Variants in CCDC50 observed in about 807,000 individuals in gnomAD.
The protein encoded by CCDC50 is coiled-coil domain containing 50, also known as coiled-coil domain-containing protein 50.
In CCDC50, 54 loss-of-function variants were observed where a neutral mutation model predicts 70.2. The ratio of observed to expected loss-of-function variants is 0.77; its 90% CI spans 0.62 to 0.96. The LOEUF is 0.96. CCDC50 is among the 50% of genes least tolerant of loss of function. The pLI, the probability that CCDC50 is intolerant of heterozygous loss-of-function variation, is 0.00. For synonymous variants in CCDC50, 216 were observed against 198.8 expected, an observed-to-expected ratio of 1.09 and a Z score of -0.73; for missense variants, 558 against 578.7, an observed-to-expected ratio of 0.96 and a Z score of 0.37.
At chr3:191,358,666 C>G (rs1013779896) in intron 3 of CCDC50, among the ~76,000 whole-genome samples, 1 of 152,198 alleles carries the variant, frequency 6.6e-6, no homozygotes, top group African/African-American at 2.4e-5. Context: ...CCTCCTTTAA[C>G]ACACAGATAA....
intron 5 of CCDC50, among the ~76,000 whole-genome samples, chr3:191,374,641 CTCTG>C (rs1409967946): frequency 6.6e-6 from 1 of 152,124 alleles, no homozygotes; most frequent in Non-Finnish European, 1.5e-5. Context: ...ATTTGAAAGC[CTCTG>C]TCTGAAATTA....
chr3:191,354,023 C>G (rs139059882), intron 1 of CCDC50, among the ~76,000 whole-genome samples: 1 of 152,070 alleles, frequency 6.6e-6, no homozygotes. Flanking sequence ...ATCAGCAATT[C>G]GGAAATTTCT....
At chr3:191,391,022 GAGGC>G (rs1713677083) in intron 11 of CCDC50, among the ~76,000 whole-genome samples, 1 of 152,186 alleles carries the variant, frequency 6.6e-6, no homozygotes, top group Non-Finnish European at 1.5e-5. Context: ...CTGCAAAATG[GAGGC>G]AGTCTAAATA....
In CCDC50 at chr3:191,395,260, A is replaced by G. The variant is rs1223587430; in HGVS notation, c.*3500A>G. 2 of 152,168 alleles carry G rather than the reference A, an allele frequency of 1.3e-5. No homozygotes were observed. The highest frequency in any genetic ancestry group is 4.8e-5 in the African/African-American group (2 of 41,458). The allele number at this position is 152,168 out of a possible 1,614,324, so 9.4% of individuals were successfully genotyped here. A position where few individuals can be genotyped will look rare whatever the true frequency, so the allele number is the denominator to read the frequency against. On this transcript the variant is annotated 3_prime_UTR_variant, in exon 12 of 12. Coordinates refer to ENST00000392455, the MANE Select transcript of CCDC50 (RefSeq NM_178335.3). ...GTAAATTCTTTGCTGACTGTTGCTC[A>G]TCACTTTCTCTCAAAGTTAGAACTT...
At chr3:191,384,375 T>C (rs1415251104) in intron 10 of CCDC50, among the ~76,000 whole-genome samples, 1 of 152,194 alleles carries the variant, frequency 6.6e-6, no homozygotes, top group East Asian at 1.9e-4. Context: ...GTAGATACCT[T>C]GCACAACTAA....
rs557807225 is a variant in CCDC50, at chr3:191,370,001, G to A, written c.413G>A (p.Arg138His). The A allele has an allele frequency of 2.7e-5, 43 of 1,612,576 alleles. No individual in the cohort carries two copies. Among genetic ancestry groups the A allele is most frequent in the Non-Finnish European group, 3.6e-5 (43 of 1,178,952 alleles). Residue 138 changes from arginine (R) to histidine (H), a missense_variant, in exon 5 of 12, where the codon CGT (arginine) becomes CAT (histidine). Physicochemically the swap from Arg to His is conservative, Grantham distance 29. Coordinates refer to ENST00000392455, the MANE Select transcript of CCDC50 (RefSeq NM_178335.3). ...KKHFPEFPAT[R>H]AYADSYYYED... ...CACTTTCCAGAGTTCCCTGCAACCC[G>A]TGCTTATGCAGATAGTTACTATTAT... is the stretch of plus-strand genomic sequence containing the variant.
At chr3:191,339,724 C>T (rs1711657778) in intron 1 of CCDC50, among the ~76,000 whole-genome samples, 1 of 152,186 alleles carries the variant, frequency 6.6e-6, no homozygotes, top group South Asian at 2.1e-4. Context: ...TGTTACAGTC[C>T]ACATTTGTAT....
At position 191,396,252 on chromosome 3, in the gene CCDC50, G is replaced by A. The variant is rs552659969; in HGVS notation, c.*4492G>A. ...ATTAGTTTGACTCTGACTGATGTCA[G>A]TGTACGTTACTTCCTTTATGTGACT... On this transcript the variant is annotated 3_prime_UTR_variant, in exon 12 of 12. Coordinates refer to ENST00000392455, the MANE Select transcript of CCDC50 (RefSeq NM_178335.3). 1.3e-5 allele frequency: 2 copies of A among 152,320 alleles called. No homozygotes were observed. Among genetic ancestry groups the A allele is most frequent in the East Asian group, 3.9e-4 (2 of 5,194 alleles). The allele number at this position is 152,320 out of a possible 1,614,324, so 9.4% of individuals were successfully genotyped here.
intron 1 of CCDC50, among the ~76,000 whole-genome samples, chr3:191,335,422 A>G (rs550431366): frequency 6.6e-6 from 1 of 152,168 alleles, no homozygotes. Flanking sequence ...AATAACCTAG[A>G]TCTTAGATAA....
chr3:191,354,932 A>G (rs573789350), intron 1 of CCDC50, among the ~76,000 whole-genome samples: 5 of 152,304 alleles, frequency 3.3e-5, no homozygotes, highest in African/African-American at 1.2e-4. Context: ...TTAGGAAACA[A>G]TGATAAGAAA....
Position 191,338,042 on chromosome 3 carries a change from CT to C in CCDC50, c.49+8323del, listed in dbSNP as rs528033609. On this transcript the variant is annotated intron_variant, in intron 1 of 11. Transcript: ENST00000392455. ...GGGAGTCTCCCCTGGACTTTTTTGG[CT>C]TTTGTTTTTCCAATGAGTCATAAAG... Among the ~76,000 whole-genome samples the C allele has an allele frequency of 2.2e-3, 333 of 152,082 alleles. 1 individual carries two copies. The highest frequency in any genetic ancestry group is 7.8e-3 in the African/African-American group (323 of 41,502).
intron 1 of CCDC50, among the ~76,000 whole-genome samples, chr3:191,335,610 G>A (rs145266877): frequency 2.6e-4 from 40 of 151,986 alleles, no homozygotes; most frequent in African/African-American, 9.2e-4. Context: ...TCATCATTTC[G>A]TTAAAAAAGC....
At chr3:191,336,501 A>G (rs993342484) in intron 1 of CCDC50, among the ~76,000 whole-genome samples, 3 of 152,048 alleles carry the variant, frequency 2.0e-5, no homozygotes, top group Non-Finnish European at 4.4e-5. Flanking sequence ...ATTTTAGCTC[A>G]TTTTAAAATC....
intron 1 of CCDC50, among the ~76,000 whole-genome samples, chr3:191,355,401 A>G (rs1712244693): frequency 6.6e-6 from 1 of 152,206 alleles, no homozygotes; most frequent in African/African-American, 2.4e-5. Context: ...GAAGTGTTTT[A>G]GAGAATATGC....
intron 1 of CCDC50, among the ~76,000 whole-genome samples, chr3:191,356,360 C>T (rs1367286503): frequency 3.3e-5 from 5 of 152,134 alleles, no homozygotes; most frequent in Non-Finnish European, 7.3e-5. Context: ...TCAGGAAATG[C>T]CCTTGCCTGG....
Position 191,396,758 on chromosome 3 carries a change from A to G in CCDC50, c.*4998A>G, listed in dbSNP as rs1713873273. 1 of 152,210 alleles carries G rather than the reference A, an allele frequency of 6.6e-6. No homozygotes were observed. Among genetic ancestry groups the G allele is most frequent in the African/African-American group, 2.4e-5 (1 of 41,450 alleles). 9.4% of individuals were successfully genotyped at this position (152,210 alleles called of 1,614,324 possible). ...TTATTACTTATAAGAGAAAAGCAGGAAAACTTTTGCTTTGATAAGAAAGAC... is the reference window on the plus strand; with the variant it reads ...TTATTACTTATAAGAGAAAAGCAGGGAAACTTTTGCTTTGATAAGAAAGAC... On this transcript the variant is annotated 3_prime_UTR_variant, in exon 12 of 12. Transcript: ENST00000392455.
chr3:191,354,009 GGTAA>G (rs1712190848), intron 1 of CCDC50, among the ~76,000 whole-genome samples: 2 of 152,086 alleles, frequency 1.3e-5, no homozygotes, highest in South Asian at 2.1e-4. Context: ...GAGTCATCAA[GGTAA>G]TCAGCAATTC....
At chr3:191,363,137 T>G (rs1712554803) in intron 4 of CCDC50, among the ~76,000 whole-genome samples, 1 of 152,116 alleles carries the variant, frequency 6.6e-6, no homozygotes, top group Non-Finnish European at 1.5e-5. Context: ...ACACTTTATT[T>G]TAATTATGTA....
At chr3:191,351,027 A>G (rs1712091922) in intron 1 of CCDC50, among the ~76,000 whole-genome samples, 1 of 140,450 alleles carries the variant, frequency 7.1e-6, no homozygotes. Context: ...GGGAGGGGGC[A>G]CTTCTCTTTG....
Sources: gnomAD v4.1 joint callset for allele counts (sites outside exome capture counted in the v4.1 genomes callset) on GRCh38, gnomAD v4.1.1 for gene constraint, MANE v1.5 for transcripts, NCBI Gene and HGNC (gene_info 2026-07-23, HGNC 2026-07-21) for gene names.